Variants in PNOC observed in about 807,000 individuals in gnomAD.
PNOC encodes the protein prepronociceptin.
In PNOC, 10 loss-of-function variants were observed where a neutral mutation model predicts 15.6. The observed-to-expected ratio is 0.64, with a 90% CI of 0.40 to 1.09. The LOEUF (loss-of-function observed/expected upper bound fraction) is 1.09. PNOC is among the 50% of genes least tolerant of loss of function. The pLI, the probability that PNOC is intolerant of heterozygous loss-of-function variation, is 0.01. For synonymous variants in PNOC, 98 were observed against 88.5 expected (o/e 1.11, Z -0.60); for missense variants, 220 against 223.9 (o/e 0.98, Z 0.11).
At chr8:28,318,371 T>C (rs1801093524) in intron 1 of PNOC, among the ~76,000 whole-genome samples, 1 of 152,212 alleles carries the variant, frequency 6.6e-6, no homozygotes, top group African/African-American at 2.4e-5. Context: ...AAGCAGCCCA[T>C]AATTGCCCCA....
At chr8:28,341,923 TGGA>T (rs1801525620) in intron 3 of PNOC, among the ~76,000 whole-genome samples, 1 of 152,216 alleles carries the variant, frequency 6.6e-6, no homozygotes, top group South Asian at 2.1e-4. Flanking sequence ...CTACACATGA[TGGA>T]GATGTCTCCA....
intron 2 of PNOC, chr8:28,338,730 G>A (rs925184226): frequency 6.5e-6 from 7 of 1,077,216 alleles, no homozygotes; most frequent in Non-Finnish European, 7.9e-6. Context: ...AACAAGGTGC[G>A]GTGTTGGGCG....
chr8:28,341,351 C>T (rs1466750437), intron 3 of PNOC, among the ~76,000 whole-genome samples: 1 of 152,226 alleles, frequency 6.6e-6, no homozygotes, highest in East Asian at 1.9e-4. Flanking sequence ...CTTTTGAAGT[C>T]ATACTCACTC....
chr8:28,320,244 G>T (rs1801127905), intron 1 of PNOC, among the ~76,000 whole-genome samples: 1 of 151,428 alleles, frequency 6.6e-6, no homozygotes, highest in Non-Finnish European at 1.5e-5. Flanking sequence ...TCCCACAGTG[G>T]CTCAGATCCA....
chr8:28,338,511 C>T (rs2129903260), intron 2 of PNOC: 1 of 762,892 alleles, frequency 1.3e-6, no homozygotes, highest in Non-Finnish European at 1.6e-6. Flanking sequence ...GTGACGACTG[C>T]TGTACGCGGG....
chr8:28,330,362 CTTTATTTTATTTTAT>C (rs71549653), intron 2 of PNOC, among the ~76,000 whole-genome samples: 2 of 108,170 alleles, frequency 1.8e-5, no homozygotes, highest in African/African-American at 4.1e-5. Context: ...GGTATGTGCC[CTTTATTTTATTTTAT>C]TTTATTTTAT....
At chr8:28,322,464 G>C (rs1206843494) in intron 1 of PNOC, among the ~76,000 whole-genome samples, 1 of 152,148 alleles carries the variant, frequency 6.6e-6, no homozygotes, top group East Asian at 1.9e-4. Context: ...AGGACAAGAG[G>C]AAGCCCTACA....
chr8:28,327,906 C>T (rs1392929218), intron 1 of PNOC, among the ~76,000 whole-genome samples: 2 of 152,004 alleles, frequency 1.3e-5, no homozygotes, highest in Non-Finnish European at 2.9e-5. Context: ...AGGTCTATTC[C>T]TGGCTCTTAG....
chr8:28,338,015 G>A (rs1321850398), intron 2 of PNOC, among the ~76,000 whole-genome samples: 1 of 152,194 alleles, frequency 6.6e-6, no homozygotes, highest in African/African-American at 2.4e-5. Context: ...ATACGGGCCA[G>A]TTGCAGCCTC....
Position 28,339,105 on chromosome 8 carries a change from C to T in PNOC, c.192C>T (p.Val64=). The change falls in exon 3 of 4, where the codon GTC becomes GTT. Residue 64 remains valine (V), a synonymous_variant. Transcript: ENST00000301908. ...PSPLWTPCTK[V]MARSSWQLSP... ...CCCTCTGGACTCCATGCACCAAGGT[C>T]ATGGCCAGGAGCTCTTGGCAGCTCA... 2 of 1,609,108 alleles carry T rather than the reference C, an allele frequency of 1.2e-6. No individual in the cohort carries two copies. Among genetic ancestry groups the T allele is most frequent in the Non-Finnish European group, 1.7e-6 (2 of 1,175,790 alleles).
chr8:28,325,651 CAAAAAAAAAAAAAAGAAAAAG>C (rs1465971504), intron 1 of PNOC, among the ~76,000 whole-genome samples: 6 of 54,180 alleles, frequency 1.1e-4, no homozygotes, highest in African/African-American at 1.6e-4. Context: ...GACTCTGTCT[CAAAAAAAAAAAAAAGAAAAAG>C]AAAAAAAAAA....
At chr8:28,320,933 T>C (rs957333399) in intron 1 of PNOC, among the ~76,000 whole-genome samples, 8 of 152,234 alleles carry the variant, frequency 5.3e-5, no homozygotes, top group Admixed American at 1.3e-4. Context: ...TCCAATATTT[T>C]AGAAAAGAAC....
chr8:28,337,344 C>T (rs965422697), intron 2 of PNOC, among the ~76,000 whole-genome samples: 3 of 152,172 alleles, frequency 2.0e-5, no homozygotes, highest in African/African-American at 7.2e-5. Context: ...ACTCTGTCAC[C>T]CAGGCTGGAG....
chr8:28,325,683 A>G (rs1289103845), intron 1 of PNOC, among the ~76,000 whole-genome samples: 2 of 140,022 alleles, frequency 1.4e-5, no homozygotes, highest in African/African-American at 4.9e-5. Context: ...AAAAAAAAAA[A>G]AAAGAAAGAC....
At chr8:28,330,362 C>CTTTAT (rs71549653) in intron 2 of PNOC, among the ~76,000 whole-genome samples, 2,968 of 107,684 alleles carry the variant, frequency 0.028, 245 homozygotes, top group African/African-American at 0.085. Context: ...GGTATGTGCC[C>CTTTAT]TTTATTTTAT....
intron 1 of PNOC, among the ~76,000 whole-genome samples, chr8:28,318,808 G>T (rs1383566136): frequency 3.9e-5 from 6 of 152,200 alleles, no homozygotes; most frequent in South Asian, 2.1e-4. Context: ...GTTTTGTTGC[G>T]CACAGGGCAG....
intron 1 of PNOC, among the ~76,000 whole-genome samples, chr8:28,320,527 T>A (rs1801132668): frequency 6.6e-6 from 1 of 152,176 alleles, no homozygotes; most frequent in African/African-American, 2.4e-5. Context: ...TAGGAATGTG[T>A]ACTCAAAATC....
At chr8:28,337,288 C>T (rs1801426679) in intron 2 of PNOC, among the ~76,000 whole-genome samples, 1 of 150,902 alleles carries the variant, frequency 6.6e-6, no homozygotes, top group Non-Finnish European at 1.5e-5. Context: ...CTTGGAAACC[C>T]CATCTGATGC....
chr8:28,340,423 A>C (rs1046104181), intron 3 of PNOC, among the ~76,000 whole-genome samples: 1 of 152,216 alleles, frequency 6.6e-6, no homozygotes, highest in Non-Finnish European at 1.5e-5. Context: ...TTTCCTTAGG[A>C]TATCAACCAA....
Sources: allele counts gnomAD v4.1 joint callset (sites outside exome capture counted in the v4.1 genomes callset), GRCh38; gene constraint gnomAD v4.1.1; transcripts MANE v1.5; gene names NCBI Gene and HGNC (gene_info 2026-07-23, HGNC 2026-07-21).